DMD: variants seen among roughly 807,000 people sequenced by gnomAD.
The protein encoded by DMD is dystrophin.
Under a neutral mutation model 330.1 loss-of-function variants are expected in DMD, and 63 were observed. The observed-to-expected ratio is 0.19, with a 90% confidence interval of 0.16 to 0.24. DMD has a LOEUF of 0.24. Among genes scored for constraint, DMD ranks in the 10% least tolerant of loss-of-function variants. The pLI is 1.00. For synonymous variants in DMD, 1,223 were observed against 959.8 expected (o/e 1.27, Z -5.07); for missense variants, 3,344 against 2,684.1 (o/e 1.25, Z -5.43).
intron 1 of DMD, among the ~76,000 whole-genome samples, chrX:33,095,450 GA>G (rs1400620720): frequency 8.9e-6 from 1 of 112,025 alleles, no homozygotes; most frequent in African/African-American, 3.2e-5. Flanking sequence ...CAGACAAGCA[GA>G]ACAATTTCAA....
At chrX:33,321,797 A>G (rs1414236660) in intron 1 of DMD, among the ~76,000 whole-genome samples, 1 of 111,593 alleles carries the variant, frequency 9.0e-6, no homozygotes, top group African/African-American at 3.2e-5. Flanking sequence ...ACTTTTATCA[A>G]TGATCTTAGC....
At chrX:32,601,272 T>C (rs1294836847) in intron 12 of DMD, among the ~76,000 whole-genome samples, 1 of 112,208 alleles carries the variant, frequency 8.9e-6, no homozygotes, top group Non-Finnish European at 1.9e-5. Flanking sequence ...GCTGAATATT[T>C]TAAATAATCT....
chrX:31,518,850 G>A (rs148204138), intron 55 of DMD, among the ~76,000 whole-genome samples: 1,733 of 111,362 alleles, frequency 0.016, 13 homozygotes, highest in Middle Eastern at 0.037. Flanking sequence ...TTAGAGCATA[G>A]ATCTTCCTGA....
intron 44 of DMD, among the ~76,000 whole-genome samples, chrX:32,192,610 A>G (rs773116708): frequency 1.1e-3 from 122 of 112,325 alleles, no homozygotes; most frequent in Non-Finnish European, 1.9e-3. Context: ...ATATAAAGTA[A>G]CAATTGCTAT....
chrX:31,393,032 A>G (rs1331739797), intron 60 of DMD, among the ~76,000 whole-genome samples: 1 of 112,282 alleles, frequency 8.9e-6, no homozygotes, highest in African/African-American at 3.2e-5. Context: ...TTCTGTCATC[A>G]TCTCCACATA....
At chrX:31,985,997 G>A (rs923100770) in intron 44 of DMD, among the ~76,000 whole-genome samples, 4 of 111,372 alleles carry the variant, frequency 3.6e-5, no homozygotes, top group African/African-American at 1.3e-4. Flanking sequence ...GAGTCAGGAA[G>A]GAACTTTATA....
chrX:33,096,008 T>C (rs1201352210), intron 1 of DMD, among the ~76,000 whole-genome samples: 2 of 82,133 alleles, frequency 2.4e-5, no homozygotes, highest in African/African-American at 9.4e-5. Flanking sequence ...GGAGTCTCGC[T>C]CTGTCACCCA....
chrX:32,723,222 A>G (rs1002989692), intron 7 of DMD, among the ~76,000 whole-genome samples: 1 of 111,549 alleles, frequency 9.0e-6, no homozygotes, highest in African/African-American at 3.3e-5. Context: ...TTAATGTAGT[A>G]TGTCGCATTG....
At chrX:31,322,229 T>G (rs2056478942) in intron 62 of DMD, among the ~76,000 whole-genome samples, 1 of 111,860 alleles carries the variant, frequency 8.9e-6, no homozygotes, top group South Asian at 3.7e-4. Context: ...TAAAAATTTG[T>G]GAGGACAAAG....
intron 44 of DMD, among the ~76,000 whole-genome samples, chrX:32,213,387 G>T (rs2147835137): frequency 8.9e-6 from 1 of 112,397 alleles, no homozygotes; most frequent in Non-Finnish European, 1.9e-5. Context: ...GTATCTTACG[G>T]GGTTGATTTT....
chrX:33,225,031 T>A (rs1407151391), intron 1 of DMD, among the ~76,000 whole-genome samples: 2 of 111,370 alleles, frequency 1.8e-5, no homozygotes, highest in African/African-American at 3.2e-5. Context: ...CAAAAAAAAG[T>A]TTTAGAAGTA....
At chrX:31,369,620 GATA>G (rs1433385922) in intron 60 of DMD, among the ~76,000 whole-genome samples, 31 of 111,435 alleles carry the variant, frequency 2.8e-4, no homozygotes, top group African/African-American at 9.8e-4. Context: ...ACAAAAGGAG[GATA>G]ATAATGAGCT....
intron 2 of DMD, among the ~76,000 whole-genome samples, chrX:32,939,676 C>CA (rs147114030): frequency 9.0e-6 from 1 of 111,203 alleles, no homozygotes; most frequent in Non-Finnish European, 1.9e-5. Flanking sequence ...CTCATATATC[C>CA]ATCTAAAAAT....
chrX:32,717,356 GC>G (rs1446022780), intron 7 of DMD, among the ~76,000 whole-genome samples: 2 of 111,190 alleles, frequency 1.8e-5, no homozygotes, highest in Non-Finnish European at 3.8e-5. Context: ...TACTAAAAAG[GC>G]CCCAGATGTG....
intron 4 of DMD, among the ~76,000 whole-genome samples, chrX:32,830,609 T>A (rs1163916376): frequency 9.0e-6 from 1 of 111,510 alleles, no homozygotes; most frequent in Non-Finnish European, 1.9e-5. Context: ...GTGTGAAAAT[T>A]GATATTCTGT....
At position 33,207,344 on chromosome X, in the gene DMD, T is replaced by C. The variant is rs986778661; in HGVS notation, c.31+3938A>G. On this transcript the variant is annotated intron_variant, in intron 1 of 78. Transcript: ENST00000357033. ...TTGAATGCTATAATATGCTGTAATA[T>C]ATGAGGGAAACAGACTTTTTATACT... Among the ~76,000 whole-genome samples the C allele has an allele frequency of 4.5e-5, 5 of 111,098 alleles. No homozygotes were observed. In the East Asian group the frequency reaches 1.1e-3, roughly 25 times the overall value.
At chrX:32,913,892 G>A (rs1031255111) in intron 2 of DMD, among the ~76,000 whole-genome samples, 3 of 111,745 alleles carry the variant, frequency 2.7e-5, no homozygotes, top group Admixed American at 9.5e-5. Flanking sequence ...CCTCAGAGGG[G>A]TCTTCACAGG....
intron 19 of DMD, among the ~76,000 whole-genome samples, chrX:32,495,244 C>T (rs2043377893): frequency 9.0e-6 from 1 of 111,681 alleles, no homozygotes; most frequent in South Asian, 3.7e-4. Context: ...CTATAAACTC[C>T]TATAGGAAAT....
chrX:32,776,194 T>C (rs906840154), intron 7 of DMD, among the ~76,000 whole-genome samples: 2 of 110,914 alleles, frequency 1.8e-5, no homozygotes, highest in Admixed American at 1.9e-4. Flanking sequence ...GACTTCATTG[T>C]CCGTATCACT....
Sources: gnomAD v4.1 joint callset for allele counts (sites outside exome capture counted in the v4.1 genomes callset) on GRCh38, gnomAD v4.1.1 for gene constraint, MANE v1.5 for transcripts, NCBI Gene and HGNC (gene_info 2026-07-23, HGNC 2026-07-21) for gene names.